The following GPHN variants were observed in gnomAD, a reference collection of about 807,000 sequenced individuals.
GPHN encodes gephyrin.
Under a neutral mutation model 95.5 loss-of-function variants are expected in GPHN, and 17 were observed. The ratio of observed to expected loss-of-function variants is 0.18; its 90% CI spans 0.12 to 0.27. The LOEUF (loss-of-function observed/expected upper bound fraction) is 0.27. Among genes scored for constraint, GPHN ranks in the 10% least tolerant of loss-of-function variants. The pLI is 1.00. For missense variants in GPHN, 660 were observed against 978.1 expected (o/e 0.67, Z 4.34); for synonymous variants, 320 against 322.5 (o/e 0.99, Z 0.08).
the GPHN span, chr14:67,387,224 A>C: frequency 2.0e-5 from 23 of 1,125,572 alleles, no homozygotes; most frequent in East Asian, 6.0e-4. Context: ...CCAAAGCAGT[A>C]CAAAACTTAC....
At chr14:66,847,497 G>C (rs963236656) in intron 4 of GPHN, among the ~76,000 whole-genome samples, 1 of 151,790 alleles carries the variant, frequency 6.6e-6, no homozygotes, top group African/African-American at 2.4e-5. Flanking sequence ...GTGCTATAAC[G>C]TGTTTCCTTT....
the GPHN span, among the ~76,000 whole-genome samples, chr14:67,675,843 C>T: frequency 3.9e-5 from 6 of 152,282 alleles, no homozygotes; most frequent in South Asian, 1.2e-3. Flanking sequence ...CACGCGTCAT[C>T]CCAGCACTTT....
In GPHN at chr14:66,537,609, T is replaced by C. The variant is rs536896671; in HGVS notation, c.64+29018T>C. 6.6e-5 allele frequency among the ~76,000 whole-genome samples: 10 copies of C among 152,340 alleles called. No individual in the cohort carries two copies. The East Asian group carries it at 1.3e-3, about 21-fold the overall frequency. On this transcript the variant is annotated intron_variant, in intron 1 of 22. Coordinates refer to ENST00000478722, the MANE Select transcript of GPHN (RefSeq NM_020806.5). Reference sequence around the variant, plus strand: ...TTTTTTGTAAACAGTTAATATTCTTTTATATTTATCCACATGTGTACCCTT... The same window carrying C: ...TTTTTTGTAAACAGTTAATATTCTTCTATATTTATCCACATGTGTACCCTT...
intron 8 of GPHN, among the ~76,000 whole-genome samples, chr14:66,939,909 CAA>C (rs1019246264): frequency 2.0e-5 from 3 of 151,992 alleles, no homozygotes; most frequent in African/African-American, 4.8e-5. Flanking sequence ...CTGAAGGTGA[CAA>C]GAGAGAAACC....
the GPHN span, chr14:67,473,837 C>T: frequency 6.2e-6 from 10 of 1,613,376 alleles, no homozygotes; most frequent in South Asian, 4.4e-5. The surrounding 1 kb of genome is among the most constrained non-coding windows in gnomAD (Gnocchi z 6.5). Context: ...ACTCCCAGGC[C>T]GCTGTGAACA....
At chr14:66,700,856 G>A (rs530440521) in intron 2 of GPHN, among the ~76,000 whole-genome samples, 1 of 152,140 alleles carries the variant, frequency 6.6e-6, no homozygotes, top group African/African-American at 2.4e-5. Flanking sequence ...CCGGAGACAG[G>A]GGTTGCAGTG....
chr14:67,225,181 C>T, the GPHN span: 10 of 1,574,842 alleles, frequency 6.3e-6, no homozygotes, highest in Middle Eastern at 1.7e-4. Context: ...CTGTCTGCCC[C>T]TTTCTCAAGG....
the GPHN span, chr14:67,393,286 G>T: frequency 7.2e-7 from 1 of 1,384,176 alleles, no homozygotes; most frequent in Non-Finnish European, 1.0e-6. Context: ...TCATCACGCG[G>T]GCAGGTATAA....
At chr14:66,790,712 G>T (rs542534550) in intron 3 of GPHN, among the ~76,000 whole-genome samples, 1 of 152,296 alleles carries the variant, frequency 6.6e-6, no homozygotes, top group African/African-American at 2.4e-5. Flanking sequence ...GGGCGGGGAG[G>T]GTCAGGGAAC....
chr14:67,353,927 T>A, the GPHN span: 1 of 151,662 alleles, frequency 6.6e-6, no homozygotes, highest in Non-Finnish European at 1.5e-5. Context: ...GTGCTGGGAT[T>A]ATGGGCATGA....
the GPHN span, chr14:67,577,295 T>C: frequency 2.6e-6 from 4 of 1,553,172 alleles, no homozygotes; most frequent in Non-Finnish European, 3.5e-6. Context: ...TTCCGTGCTT[T>C]GGGCAGATTC....
At chr14:67,735,353 G>A in the GPHN span, 2 of 752,830 alleles carry the variant, frequency 2.7e-6, no homozygotes, top group Non-Finnish European at 4.9e-6. Flanking sequence ...TGCTCAGCCT[G>A]GGCAAGGAAC....
intron 12 of GPHN, among the ~76,000 whole-genome samples, chr14:67,098,294 C>T (rs1175734868): frequency 6.6e-6 from 1 of 152,118 alleles, no homozygotes; most frequent in Non-Finnish European, 1.5e-5. Flanking sequence ...AAAAGACACT[C>T]AGTAGACATT....
intron 1 of GPHN, among the ~76,000 whole-genome samples, chr14:66,647,570 A>C (rs2064824020): frequency 6.6e-6 from 1 of 151,882 alleles, no homozygotes; most frequent in Non-Finnish European, 1.5e-5. Flanking sequence ...TTGTTTTTTC[A>C]TTTATATACA....
At chr14:67,576,070 C>T in the GPHN span, 1 of 1,308,200 alleles carries the variant, frequency 7.6e-7, no homozygotes. The surrounding 1 kb of genome is among the most constrained non-coding windows in gnomAD (Gnocchi z 4.0). Context: ...TCCCTTCTCT[C>T]TTTCTCCTGA....
chr14:67,321,256 A>C, the GPHN span: 1 of 1,613,976 alleles, frequency 6.2e-7, no homozygotes, highest in South Asian at 1.1e-5. Flanking sequence ...GTCTTCGTAC[A>C]CAGGTAAAGC....
chr14:66,736,581 G>A (rs984963991), intron 2 of GPHN, among the ~76,000 whole-genome samples: 3 of 151,484 alleles, frequency 2.0e-5, no homozygotes, highest in Non-Finnish European at 4.4e-5. Context: ...TGTATTTTTA[G>A]TACAGACGGG....
At chr14:67,203,334 TG>T in the GPHN span, 13 of 1,487,014 alleles carry the variant, frequency 8.7e-6, no homozygotes, top group Admixed American at 2.7e-4. Context: ...TCTCAGAAGA[TG>T]TGCATTAGCC....
the GPHN span, among the ~76,000 whole-genome samples, chr14:67,414,881 A>T: frequency 6.6e-6 from 1 of 152,248 alleles, no homozygotes; most frequent in African/African-American, 2.4e-5. Flanking sequence ...GGACCCTCAA[A>T]GCCCAGGGAA....
Sources: gnomAD v4.1 joint callset for allele counts (sites outside exome capture counted in the v4.1 genomes callset) on GRCh38, gnomAD v4.1.1 for gene constraint, Gnocchi (gnomAD v3.1) non-coding constraint, MANE v1.5 for transcripts, NCBI Gene and HGNC (gene_info 2026-07-23, HGNC 2026-07-21) for gene names.